Variants in NOB1 observed in about 807,000 individuals in gnomAD.
NOB1 encodes the protein NIN1 (RPN12) binding protein 1 homolog.
Under a neutral mutation model 44.8 loss-of-function variants are expected in NOB1, and 44 were observed. The ratio of observed to expected loss-of-function variants is 0.98; its 90% confidence interval spans 0.77 to 1.26. The LOEUF (loss-of-function observed/expected upper bound fraction) is 1.26, where lower values mean the gene tolerates loss of function less well. NOB1 is among the 50% of genes most tolerant of loss of function. NOB1 has a pLI of 0.00. For missense variants in NOB1, 560 were observed against 544.8 expected, an observed-to-expected ratio of 1.03 and a Z score of -0.28; for synonymous variants, 238 against 218.7, an observed-to-expected ratio of 1.09 and a Z score of -0.78.
rs528824487 is a variant in NOB1, at chr16:69,748,956, C to A, written c.688G>T (p.Val230Leu). 11 of 1,612,776 alleles carry A rather than the reference C, an allele frequency of 6.8e-6. No individual in the cohort carries two copies. Among genetic ancestry groups the A allele is most frequent in the Non-Finnish European group, 8.5e-6 (10 of 1,179,158 alleles). Reference protein sequence around the residue: ...ELEQCDVPEDVRVGCLTTDFA... With the variant: ...ELEQCDVPEDLRVGCLTTDFA... ...TCTGTGGTCAGGCAGCCAACCCGCACGTCCTCGGGGACGTCACACTGCTCC... is the reference window on the plus strand; with the variant it reads ...TCTGTGGTCAGGCAGCCAACCCGCAAGTCCTCGGGGACGTCACACTGCTCC... Residue 230 changes from valine (V) to leucine (L), a missense_variant, in exon 6 of 9, where the codon GTG (valine) becomes TTG (leucine). By Grantham distance (32) the Val-to-Leu change is conservative. Coordinates refer to ENST00000268802, the MANE Select transcript of NOB1 (RefSeq NM_014062.3).
Position 69,745,492 on chromosome 16 carries a change from C to T in NOB1, c.825-475G>A, listed in dbSNP as rs77977204. ...TCTCGAGGGGCACCTCGTCACACCA[C>T]GAGCTACCTTTTCTCCAAATGTCAG... On this transcript the variant is annotated intron_variant, in intron 7 of 8. Coordinates refer to ENST00000268802, the MANE Select transcript of NOB1 (RefSeq NM_014062.3). Among the ~76,000 whole-genome samples, 30 of 152,352 alleles carry T rather than the reference C, an allele frequency of 2.0e-4. No individual in the cohort carries two copies. In the East Asian group the frequency reaches 4.4e-3, roughly 23 times the overall value.
intron 8 of NOB1, among the ~76,000 whole-genome samples, chr16:69,744,295 G>A (rs1049516423): frequency 8.5e-5 from 13 of 152,204 alleles, no homozygotes; most frequent in Admixed American, 5.9e-4. Context: ...ATTCCAGCCT[G>A]GGTGACAGAG....
chr16:69,747,536 A>AC lies in NOB1; in HGVS notation c.824+695dup, dbSNP rs759759942. 9.2e-5 allele frequency among the ~76,000 whole-genome samples: 14 copies of AC among 151,960 alleles called. No individual in the cohort carries two copies. In the South Asian group the frequency reaches 2.5e-3, roughly 27 times the overall value. On this transcript the variant is annotated intron_variant, in intron 7 of 8. Coordinates refer to ENST00000268802, the MANE Select transcript of NOB1 (RefSeq NM_014062.3). ...CACAACAAACCTCCATGTATCCATC[A>AC]CCCCCCAGCTTCAAAAACTATCAAT...
chr16:69,752,211 A>G (rs2038488264), intron 3 of NOB1, 30 bp downstream of exon 3: 4 of 1,603,056 alleles, frequency 2.5e-6, no homozygotes, highest in Non-Finnish European at 3.4e-6. Flanking sequence ...CATAATACAA[A>G]GCTTTTAAAA....
chr16:69,745,449 C>G (rs2038422501), intron 7 of NOB1, among the ~76,000 whole-genome samples: 1 of 152,214 alleles, frequency 6.6e-6, no homozygotes, highest in Non-Finnish European at 1.5e-5. Context: ...AATCAATGCC[C>G]TTCACATCAC....
intron 2 of NOB1, 62 bp from the exon 3 acceptor site, chr16:69,752,433 A>G: frequency 1.3e-6 from 2 of 1,553,638 alleles, no homozygotes; most frequent in Non-Finnish European, 1.8e-6. Context: ...TTGGATAACC[A>G]ATGGAAGTAT....
Position 69,749,328 on chromosome 16 carries a change from G to T in NOB1, c.410C>A (p.Pro137Gln). ...TGAGTGTCCTTTTTCTGTTTCTTGT[G>T]GGGGTTTAGGCTGAAATTAAAAGAA... ...GFHLPYKPKP[P>Q]QETEKGHSAC... Residue 137 changes from proline to glutamine, a missense_variant, in exon 5 of 9, where the codon CCA (proline) becomes CAA (glutamine). Pro to Gln is a moderately conservative substitution (Grantham distance 76). Transcript: ENST00000268802. 2 of 1,594,820 alleles carry T rather than the reference G, an allele frequency of 1.3e-6. No individual in the cohort carries two copies. The highest frequency in any genetic ancestry group is 1.1e-5 in the South Asian group (1 of 87,056).
Position 69,744,976 on chromosome 16 carries a change from CCA to C in NOB1, c.864_865del (p.Cys288TrpfsTer77), listed in dbSNP as rs2038417466. The C allele has an allele frequency of 1.2e-6, 2 of 1,614,144 alleles. No individual in the cohort carries two copies. The highest frequency in any genetic ancestry group is 2.2e-5 in the East Asian group (1 of 44,880). ...GGACACTTTCTTCAGGGTCTTGTTC[CCA>C]CAGTGTGAGCAGAACACTCGGCTCA... On this transcript the variant is annotated frameshift_variant, in exon 8 of 9. Transcript: ENST00000268802. LOFTEE classifies it high-confidence loss of function.
At chr16:69,743,368 T>C (rs1465270324) in intron 8 of NOB1, among the ~76,000 whole-genome samples, 1 of 152,218 alleles carries the variant, frequency 6.6e-6, no homozygotes, top group Admixed American at 6.5e-5. Context: ...CGAGAAATAA[T>C]ATATACAAAG....
rs145274258 is a variant in NOB1 at position 69,742,430 on chromosome 16, G to C, written c.1141C>G (p.Arg381Gly). ...SPFVENDISS[R>G]SATLQVRDST... ...TCCCGGACCTGCAGGGTAGCTGAGC[G>C]GCTGGAGATGTCATTCTCGACAAAG... Residue 381 changes from arginine (R) to glycine (G), a missense_variant, in exon 9 of 9, where the codon CGC becomes GGC. Arg to Gly is a moderately radical substitution (Grantham distance 125, BLOSUM62 -2). Transcript: ENST00000268802. 15 of 1,614,218 alleles carry C rather than the reference G, an allele frequency of 9.3e-6. No homozygotes were observed. The highest frequency in any genetic ancestry group is 1.3e-5 in the Non-Finnish European group (15 of 1,180,042).
At position 69,749,611 on chromosome 16, in the gene NOB1, A is replaced by G. The variant is rs367786741; in HGVS notation, c.347T>C (p.Ile116Thr). Residue 116 changes from isoleucine to threonine, a missense_variant, in exon 4 of 9, where the codon ATT becomes ACT. Ile to Thr is a moderately conservative substitution (Grantham distance 89). Transcript: ENST00000268802. ...GTGCAGAGGTGTTTCTGGGTGCTGA[A>G]TCGATGAGCTCACCTTAACCTTTAA... Reference protein sequence around the residue: ...EPQKVKVSSSIQHPETPLHIS... With the variant: ...EPQKVKVSSSTQHPETPLHIS... 6.3e-5 allele frequency: 101 copies of G among 1,613,116 alleles called. No homozygotes were observed. Among genetic ancestry groups the G allele is most frequent in the Non-Finnish European group, 8.3e-5 (98 of 1,179,690 alleles).
chr16:69,752,692 C>A (rs2038492762), intron 2 of NOB1, among the ~76,000 whole-genome samples: 1 of 151,908 alleles, frequency 6.6e-6, no homozygotes, highest in South Asian at 2.1e-4. Context: ...GTAATCCCAA[C>A]ACTTTGGGAG....
rs552817840 is a variant in NOB1 at position 69,745,658 on chromosome 16, G to A, written c.825-641C>T. 1.4e-3 allele frequency among the ~76,000 whole-genome samples: 210 copies of A among 152,342 alleles called. 1 individual carries two copies. The highest frequency in any genetic ancestry group is 1.8e-3 in the Non-Finnish European group (123 of 68,036). On this transcript the variant is annotated intron_variant, in intron 7 of 8. Coordinates refer to ENST00000268802, the MANE Select transcript of NOB1 (RefSeq NM_014062.3). ...TCCCCCACCTATGCACTCAAGCCCC[G>A]ACAGTGGACTCTCGACAGGAGAAAG...
At chr16:69,747,273 C>T (rs1169789762) in intron 7 of NOB1, among the ~76,000 whole-genome samples, 1 of 149,696 alleles carries the variant, frequency 6.7e-6, no homozygotes, top group Non-Finnish European at 1.5e-5. Context: ...GCAGATGGCT[C>T]AGGCCTGTAA....
chr16:69,744,522 G>A (rs548522983), intron 8 of NOB1, among the ~76,000 whole-genome samples: 3 of 152,036 alleles, frequency 2.0e-5, no homozygotes, highest in South Asian at 2.1e-4. Context: ...CATCTAGCCC[G>A]TCCGGCCCTC....
chr16:69,745,166 C>T lies in NOB1; in HGVS notation c.825-149G>A, dbSNP rs575069891. 7 of 791,162 alleles carry T rather than the reference C, an allele frequency of 8.8e-6. No homozygotes were observed. In the African/African-American group the frequency reaches 1.0e-4, roughly 12 times the overall value. The allele number at this position is 791,162 out of a possible 1,614,324, so 49.0% of individuals were successfully genotyped here. ...GTCACAAAGACGGAGGCCACTGAAG[C>T]TGTCAGCAAAGGGCTGCCGCATCCC... is the stretch of plus-strand genomic sequence containing the variant. On this transcript the variant is annotated intron_variant, in intron 7 of 8. Transcript: ENST00000268802.
At chr16:69,746,199 G>C (rs2038429601) in intron 7 of NOB1, among the ~76,000 whole-genome samples, 2 of 152,246 alleles carry the variant, frequency 1.3e-5, no homozygotes, top group South Asian at 4.1e-4. Flanking sequence ...CCGCCCACTG[G>C]AAGAGCTGGG....
intron 7 of NOB1, among the ~76,000 whole-genome samples, chr16:69,747,240 A>AAAG (rs2038440435): frequency 1.3e-5 from 2 of 151,488 alleles, no homozygotes; most frequent in African/African-American, 4.8e-5. Context: ...AAAAAAAAAA[A>AAAG]AAAGATAAAA....
At position 69,742,469 on chromosome 16, in the gene NOB1, C is replaced by T. The variant is rs750935720; in HGVS notation, c.1102G>A (p.Ala368Thr). 1.3e-5 allele frequency: 21 copies of T among 1,614,056 alleles called. No homozygotes were observed. In the Admixed American group the frequency reaches 1.8e-4, roughly 14 times the overall value. The change falls in exon 9 of 9, where the codon GCC (alanine) becomes ACC (threonine). Residue 368 changes from alanine to threonine, a missense_variant. By Grantham distance (58) the Ala-to-Thr change is moderately conservative. Transcript: ENST00000268802. ...TTCTCGACAAAGGGTGACACCCCGGCGATGTAGTCAGGGGCGAACACGTTG... is the reference window on the plus strand; with the variant it reads ...TTCTCGACAAAGGGTGACACCCCGGTGATGTAGTCAGGGGCGAACACGTTG... ...KTNVFAPDYI[A>T]GVSPFVENDI... is the part of the protein sequence containing the mutation.
Sources: gnomAD v4.1 joint callset for allele counts (sites outside exome capture counted in the v4.1 genomes callset) on GRCh38, gnomAD v4.1.1 for gene constraint, MANE v1.5 for transcripts, NCBI Gene and HGNC (gene_info 2026-07-23, HGNC 2026-07-21) for gene names.